The following MORC1 variants were observed in gnomAD, a reference collection of about 807,000 sequenced individuals.
MORC1 encodes MORC family CW-type zinc finger protein 1.
In MORC1, 59 loss-of-function variants were observed where a neutral mutation model predicts 134.9. The ratio of observed to expected loss-of-function variants is 0.44; its 90% CI spans 0.35 to 0.54. The LOEUF (loss-of-function observed/expected upper bound fraction) is 0.54. Among genes scored for constraint, MORC1 ranks in the 20% least tolerant of loss-of-function variants. The pLI is 0.00. For missense variants in MORC1, 947 were observed against 1,134.5 expected (o/e 0.83, Z 2.37); for synonymous variants, 395 against 391.7 (o/e 1.01, Z -0.10).
In MORC1 at chr3:109,018,198, C is replaced by G. The variant is rs147083827; in HGVS notation, c.1704+9553G>C. On this transcript the variant is annotated intron_variant, in intron 17 of 27. Transcript: ENST00000232603. ...AGAATGCTCCTTTCTAATTTTCTAT[C>G]AATTCTTTGTGGGACTATAGAGAAA... Among the ~76,000 whole-genome samples, 92 of 152,094 alleles carry G rather than the reference C, an allele frequency of 6.0e-4. No homozygotes were observed. In the East Asian group the frequency reaches 0.018, roughly 29 times the overall value.
At chr3:109,050,058 C>A (rs1949785587) in intron 14 of MORC1, among the ~76,000 whole-genome samples, 1 of 152,108 alleles carries the variant, frequency 6.6e-6, no homozygotes, top group Admixed American at 6.5e-5. Flanking sequence ...TCCTCCTGGG[C>A]CCCAAGCAGG....
intron 17 of MORC1, among the ~76,000 whole-genome samples, chr3:109,009,216 T>A (rs1465598325): frequency 6.7e-6 from 1 of 148,284 alleles, no homozygotes; most frequent in Non-Finnish European, 1.5e-5. Context: ...TGTTTTTTTT[T>A]TTTTTTTTGA....
At chr3:109,072,320 C>T (rs988845754) in intron 8 of MORC1, among the ~76,000 whole-genome samples, 13 of 152,134 alleles carry the variant, frequency 8.5e-5, no homozygotes, top group African/African-American at 1.2e-4. Context: ...TCTTGCTTGG[C>T]GCACCCCTTT....
chr3:109,003,916 T>C (rs897769536), intron 20 of MORC1, among the ~76,000 whole-genome samples: 7 of 151,970 alleles, frequency 4.6e-5, no homozygotes, highest in African/African-American at 1.7e-4. Context: ...TTTCAGAGAG[T>C]CTGTATACCA....
At chr3:109,058,516 T>C (rs1463992475) in intron 12 of MORC1, among the ~76,000 whole-genome samples, 2 of 152,098 alleles carry the variant, frequency 1.3e-5, no homozygotes, top group African/African-American at 2.4e-5. Context: ...AATATACTTA[T>C]TGGACTAATT....
chr3:109,100,136 A>C (rs1462639851), intron 5 of MORC1, among the ~76,000 whole-genome samples: 1 of 152,012 alleles, frequency 6.6e-6, no homozygotes, highest in Non-Finnish European at 1.5e-5. Flanking sequence ...CCAGCTGCCC[A>C]GGAGGCTGAG....
intron 14 of MORC1, among the ~76,000 whole-genome samples, chr3:109,050,067 G>A (rs1949785759): frequency 6.6e-6 from 1 of 152,130 alleles, no homozygotes; most frequent in African/African-American, 2.4e-5. Flanking sequence ...GCCCCAAGCA[G>A]GAAGAACTCA....
chr3:109,100,400 G>A lies in MORC1; in HGVS notation c.314+17C>T, dbSNP rs981548690. 4 of 1,579,382 alleles carry A rather than the reference G, an allele frequency of 2.5e-6. No homozygotes were observed. The highest frequency in any genetic ancestry group is 3.5e-6 in the Non-Finnish European group (4 of 1,148,982). On this transcript the variant is annotated intron_variant, in intron 5 of 27. Coordinates refer to ENST00000232603, the MANE Select transcript of MORC1 (RefSeq NM_014429.4). ...CAGTATCAATAATATATGTCTTAAGGGAAAAAAAATTCTCACCTTTTAAGA... is the reference window on the plus strand; with the variant it reads ...CAGTATCAATAATATATGTCTTAAGAGAAAAAAAATTCTCACCTTTTAAGA...
rs779425520 is a variant in MORC1 at position 109,027,773 on chromosome 3, C to T, written c.1682G>A (p.Arg561Lys). 6.2e-7 allele frequency: 1 copy of T among 1,613,724 alleles called. No individual in the cohort carries two copies. Among genetic ancestry groups the T allele is most frequent in the East Asian group, 2.2e-5 (1 of 44,848 alleles). Residue 561 changes from arginine to lysine, a missense_variant, in exon 17 of 28, where the codon AGA (arginine) becomes AAA (lysine). By Grantham distance (26) the Arg-to-Lys change is conservative. This residue lies in a region of MORC1 where 722 missense variants were observed against 817.0 expected (regional missense o/e 0.88). Transcript: ENST00000232603. ...LRESVIKYQN[R>K]LAEQQPQPQF... is the part of the protein sequence containing the mutation. ...CACCTGTGGCTGCTGTTCTGCCAGT[C>T]TATTTTGATACTTTATGACCGACTC... is the stretch of plus-strand genomic sequence containing the variant.
intron 17 of MORC1, among the ~76,000 whole-genome samples, chr3:109,014,319 G>T (rs981501017): frequency 2.6e-5 from 4 of 151,938 alleles, no homozygotes; most frequent in Non-Finnish European, 5.9e-5. Flanking sequence ...TTTATCTGTA[G>T]TACCTCATAC....
intron 24 of MORC1, among the ~76,000 whole-genome samples, chr3:108,971,777 A>T (rs999902311): frequency 6.6e-6 from 1 of 150,518 alleles, no homozygotes; most frequent in Admixed American, 6.6e-5. Flanking sequence ...ACATACATTT[A>T]TCTCAAAATA....
intron 21 of MORC1, among the ~76,000 whole-genome samples, chr3:108,988,193 A>G (rs1252011927): frequency 6.6e-6 from 1 of 152,168 alleles, no homozygotes; most frequent in African/African-American, 2.4e-5. Context: ...AGCAGGTTAA[A>G]TGGGCACATG....
intron 24 of MORC1, among the ~76,000 whole-genome samples, chr3:108,977,580 T>G (rs2593952): frequency 0.12 from 17,983 of 152,124 alleles, 1,120 homozygotes; most frequent in Non-Finnish European, 0.14. Flanking sequence ...ATTGAACATG[T>G]GGTCATATCT....
chr3:109,057,262 C>T, intron 13 of MORC1, 81 bp downstream of exon 13: 1 of 1,397,076 alleles, frequency 7.2e-7, no homozygotes, highest in South Asian at 1.5e-5. Context: ...TGTGATTAGT[C>T]ACTCATCTCA....
intron 17 of MORC1, among the ~76,000 whole-genome samples, chr3:109,025,379 C>CTTTTTTTTTTTTTT (rs63701060): frequency 4.4e-4 from 46 of 105,100 alleles, no homozygotes; most frequent in East Asian, 1.2e-3. Flanking sequence ...TTTCTTTTTT[C>CTTTTTTTTTTTTTT]TTTTTTTTTT....
intron 8 of MORC1, among the ~76,000 whole-genome samples, chr3:109,070,122 A>C (rs1950285509): frequency 6.6e-6 from 1 of 152,214 alleles, no homozygotes; most frequent in African/African-American, 2.4e-5. Context: ...GTTCAAACAT[A>C]ACAAAAAGAA....
intron 8 of MORC1, among the ~76,000 whole-genome samples, chr3:109,081,745 G>A (rs112013630): frequency 4.6e-5 from 7 of 152,168 alleles, no homozygotes; most frequent in African/African-American, 7.2e-5. Context: ...GAGCCACTGC[G>A]CCCAGCCAAG....
chr3:109,042,192 G>A (rs1472789689), intron 14 of MORC1, among the ~76,000 whole-genome samples: 1 of 152,116 alleles, frequency 6.6e-6, no homozygotes, highest in Non-Finnish European at 1.5e-5. Context: ...AAAGAATATG[G>A]TAGTTCCTCA....
At chr3:109,102,895 T>A (rs1950956687) in intron 4 of MORC1, among the ~76,000 whole-genome samples, 1 of 152,164 alleles carries the variant, frequency 6.6e-6, no homozygotes, top group African/African-American at 2.4e-5. Flanking sequence ...ATACTTTTAA[T>A]CAAAATGACC....
Sources: gnomAD v4.1 joint callset for allele counts (sites outside exome capture counted in the v4.1 genomes callset) on GRCh38, gnomAD v4.1.1 for gene constraint, gnomAD v4.1.1 regional missense constraint, MANE v1.5 for transcripts, NCBI Gene and HGNC (gene_info 2026-07-23, HGNC 2026-07-21) for gene names.